Variants in ZNF362 observed in about 807,000 individuals in gnomAD.
ZNF362 encodes the protein zinc finger protein 362, also known as rotund homolog.
A neutral mutation model predicts 42.9 loss-of-function variants in ZNF362; 11 were observed. The observed-to-expected ratio is 0.26, with a 90% CI of 0.16 to 0.42. The LOEUF is 0.42. Among genes scored for constraint, ZNF362 ranks in the 20% least tolerant of loss-of-function variants. The pLI is 1.00. For missense variants in ZNF362, 362 were observed against 576.2 expected, an observed-to-expected ratio of 0.63 and a Z score of 3.81; for synonymous variants, 255 against 257.3, an observed-to-expected ratio of 0.99 and a Z score of 0.09.
chr1:33,283,311 G>A (rs1207576847), intron 6 of ZNF362, among the ~76,000 whole-genome samples: 1 of 151,994 alleles, frequency 6.6e-6, no homozygotes, highest in Non-Finnish European at 1.5e-5. Context: ...TCATTTATTC[G>A]TTTATCTCCA....
the ZNF362 span, among the ~76,000 whole-genome samples, chr1:33,234,003 A>T: frequency 2.0e-5 from 3 of 152,216 alleles, no homozygotes; most frequent in Non-Finnish European, 4.4e-5. Context: ...GGGGCCTGAC[A>T]CATAGGAAGT....
At chr1:33,287,505 A>G (rs1464707061) in intron 6 of ZNF362, among the ~76,000 whole-genome samples, 1 of 152,182 alleles carries the variant, frequency 6.6e-6, no homozygotes, top group Non-Finnish European at 1.5e-5. Flanking sequence ...CAAACAAACC[A>G]ACCATTGTTT....
At chr1:33,258,666 G>A (rs1254836398) in intron 1 of ZNF362, among the ~76,000 whole-genome samples, 1 of 152,078 alleles carries the variant, frequency 6.6e-6, no homozygotes, top group Non-Finnish European at 1.5e-5. Flanking sequence ...CTGGACCCCT[G>A]GAAGATCCGT....
chr1:33,171,813 G>A, the ZNF362 span, among the ~76,000 whole-genome samples: 2 of 152,036 alleles, frequency 1.3e-5, no homozygotes, highest in East Asian at 1.9e-4. Flanking sequence ...ACAGAATCTC[G>A]CTCTGTAACC....
Position 33,299,549 on chromosome 1 carries a change from C to G in ZNF362, c.*503C>G, listed in dbSNP as rs1386994408. On this transcript the variant is annotated 3_prime_UTR_variant, in exon 9 of 9. Coordinates refer to ENST00000539719, the MANE Select transcript of ZNF362 (RefSeq NM_152493.3). Reference sequence around the variant, plus strand: ...TAGGTTTCTGGACTGCAAAGGGGACCCCCAGGTGGGAGGGGCAGGAAGCAG... The same window carrying G: ...TAGGTTTCTGGACTGCAAAGGGGACGCCCAGGTGGGAGGGGCAGGAAGCAG... 5 of 154,602 alleles carry G rather than the reference C, an allele frequency of 3.2e-5. No homozygotes were observed. Among genetic ancestry groups the G allele is most frequent in the Admixed American group, 2.6e-4 (4 of 15,558 alleles). 9.6% of individuals were successfully genotyped at this position (154,602 alleles called of 1,614,324 possible). A position where few individuals can be genotyped will look rare whatever the true frequency, so the allele number is the denominator to read the frequency against.
At chr1:33,208,507 A>G in the ZNF362 span, among the ~76,000 whole-genome samples, 1 of 152,168 alleles carries the variant, frequency 6.6e-6, no homozygotes. Flanking sequence ...TTGAAACTAT[A>G]AATTACCTTG....
rs780208952 is a variant in ZNF362 at position 33,295,024 on chromosome 1, C to T, written c.987+9C>T. The T allele has an allele frequency of 5.6e-6, 9 of 1,613,938 alleles. No homozygotes were observed. Among genetic ancestry groups the T allele is most frequent in the Non-Finnish European group, 6.8e-6 (8 of 1,179,864 alleles). ...AGCTCTCCAACCTCCAGGTGAGTGCCTGCCTGCCTCCTGCCCACCAGGTGC... is the reference window on the plus strand; with the variant it reads ...AGCTCTCCAACCTCCAGGTGAGTGCTTGCCTGCCTCCTGCCCACCAGGTGC... On this transcript the variant is annotated intron_variant, in intron 7 of 8. Transcript: ENST00000539719.
At chr1:33,160,036 A>G in the ZNF362 span, 1 of 1,528,974 alleles carries the variant, frequency 6.5e-7, no homozygotes, top group Non-Finnish European at 8.8e-7. Flanking sequence ...TGACACACAG[A>G]GAGGAAAGGG....
At chr1:33,277,208 G>A (rs906728197) in intron 4 of ZNF362, among the ~76,000 whole-genome samples, 2 of 152,244 alleles carry the variant, frequency 1.3e-5, no homozygotes, top group African/African-American at 2.4e-5. Flanking sequence ...ACACTGGACC[G>A]TTTTGACTTA....
the ZNF362 span, among the ~76,000 whole-genome samples, chr1:33,218,928 GACAT>G: frequency 3.7e-3 from 258 of 69,618 alleles, 2 homozygotes; most frequent in African/African-American, 0.013. Context: ...CCAGGAGCTG[GACAT>G]ACACACACAC....
chr1:33,143,168 G>A, the ZNF362 span: 1 of 152,172 alleles, frequency 6.6e-6, no homozygotes, highest in Non-Finnish European at 1.5e-5. Context: ...TTCTCTGGAC[G>A]TGTATCAAAT....
chr1:33,160,982 G>A, the ZNF362 span, among the ~76,000 whole-genome samples: 2 of 152,354 alleles, frequency 1.3e-5, no homozygotes, highest in East Asian at 3.9e-4. Flanking sequence ...GAAGGGCACA[G>A]GTTTGGTGCC....
the ZNF362 span, among the ~76,000 whole-genome samples, chr1:33,223,893 CAAAAAAA>C: frequency 2.3e-5 from 2 of 85,440 alleles, no homozygotes; most frequent in Admixed American, 1.3e-4. Context: ...AACTCCATCT[CAAAAAAA>C]AAAAAAAAAA....
the ZNF362 span, among the ~76,000 whole-genome samples, chr1:33,170,275 G>T: frequency 2.8e-4 from 43 of 151,272 alleles, no homozygotes; most frequent in Non-Finnish European, 5.0e-4. Context: ...AGTGAGCCAA[G>T]ATCGTGCCAC....
chr1:33,177,093 GCACACACATGCA>G, the ZNF362 span, among the ~76,000 whole-genome samples: 1 of 148,936 alleles, frequency 6.7e-6, no homozygotes, highest in African/African-American at 2.5e-5. This position sits in a 1 kb window ranked among gnomAD's most constrained non-coding sequence, Gnocchi z 4.1. Context: ...ATGCACAAAT[GCACACACATGCA>G]CACACACATG....
At chr1:33,143,639 C>T in the ZNF362 span, among the ~76,000 whole-genome samples, 6 of 152,208 alleles carry the variant, frequency 3.9e-5, no homozygotes, top group Non-Finnish European at 8.8e-5. Context: ...TTCCCTCTCC[C>T]CAGCTCCAGG....
the ZNF362 span, among the ~76,000 whole-genome samples, chr1:33,202,628 A>T: frequency 6.6e-6 from 1 of 151,940 alleles, no homozygotes; most frequent in Admixed American, 6.6e-5. Context: ...ATCATGACCA[A>T]AAGGATACTA....
intron 6 of ZNF362, among the ~76,000 whole-genome samples, chr1:33,282,407 A>G (rs181577415): frequency 6.6e-6 from 1 of 152,388 alleles, no homozygotes; most frequent in Non-Finnish European, 1.5e-5. Context: ...ACTCTATGCC[A>G]GACACTATTC....
At chr1:33,137,915 C>A in the ZNF362 span, among the ~76,000 whole-genome samples, 1 of 152,176 alleles carries the variant, frequency 6.6e-6, no homozygotes, top group African/African-American at 2.4e-5. Context: ...TCCTCCCCAC[C>A]TTGGGTCTTG....
Sources: gnomAD v4.1 joint callset for allele counts (sites outside exome capture counted in the v4.1 genomes callset) on GRCh38, gnomAD v4.1.1 for gene constraint, Gnocchi (gnomAD v3.1) non-coding constraint, MANE v1.5 for transcripts, NCBI Gene and HGNC (gene_info 2026-07-23, HGNC 2026-07-21) for gene names.